ANTXR1: variants seen among roughly 807,000 people sequenced by gnomAD.
ANTXR1 encodes the protein anthrax toxin receptor 1.
In ANTXR1, 19 loss-of-function variants were observed where a neutral mutation model predicts 78.1. That is an observed-to-expected ratio of 0.24 (90% CI 0.17 to 0.36). The LOEUF (loss-of-function observed/expected upper bound fraction) is 0.36. Ranked by LOEUF, ANTXR1 falls within the 10% of genes least tolerant of loss-of-function variation. The probability of loss-of-function intolerance (pLI) is 1.00; values close to 1 mark genes in which losing one functional copy is unlikely to be tolerated. For synonymous variants in ANTXR1, 273 were observed against 260.5 expected, an observed-to-expected ratio of 1.05 and a Z score of -0.46; for missense variants, 518 against 718.6, an observed-to-expected ratio of 0.72 and a Z score of 3.19.
At chr2:69,214,354 C>T (rs1384267575) in intron 17 of ANTXR1, among the ~76,000 whole-genome samples, 1 of 152,240 alleles carries the variant, frequency 6.6e-6, no homozygotes, top group African/African-American at 2.4e-5. Context: ...TCCTTCTACT[C>T]CTTGTAAATT....
intron 12 of ANTXR1, among the ~76,000 whole-genome samples, chr2:69,139,162 C>A (rs1673000298): frequency 6.6e-6 from 1 of 152,190 alleles, no homozygotes; most frequent in African/African-American, 2.4e-5. Context: ...CTACTCTGTG[C>A]CTTTGATCAC....
chr2:69,019,276 G>A (rs914088759), intron 1 of ANTXR1, among the ~76,000 whole-genome samples: 1 of 152,146 alleles, frequency 6.6e-6, no homozygotes, highest in Non-Finnish European at 1.5e-5. Flanking sequence ...ATTCGTATAA[G>A]TCTTGTATAT....
intron 8 of ANTXR1, among the ~76,000 whole-genome samples, chr2:69,089,313 C>T (rs1386949073): frequency 6.6e-6 from 1 of 152,160 alleles, no homozygotes; most frequent in African/African-American, 2.4e-5. Context: ...TTTTCTTAAG[C>T]ATGTTTGTTC....
At chr2:69,108,585 C>A (rs146141118) in intron 10 of ANTXR1, among the ~76,000 whole-genome samples, 3,948 of 152,224 alleles carry the variant, frequency 0.026, 78 homozygotes, top group Middle Eastern at 0.041. Context: ...GCCTAGTACC[C>A]ATTAGTTATT....
At chr2:69,088,241 T>C (rs560033809) in intron 8 of ANTXR1, among the ~76,000 whole-genome samples, 21 of 152,290 alleles carry the variant, frequency 1.4e-4, no homozygotes, top group Admixed American at 1.1e-3. Context: ...TGGTTAAGGA[T>C]CAGAGTTGGT....
In ANTXR1 at chr2:69,248,773, G is replaced by C. The variant is rs1325047627; in HGVS notation, c.*3288G>C. The C allele has an allele frequency of 6.6e-6, 1 of 151,646 alleles. No homozygotes were observed. The highest frequency in any genetic ancestry group is 6.6e-5 in the Admixed American group (1 of 15,240). 9.4% of individuals were successfully genotyped at this position (151,646 alleles called of 1,614,324 possible). ...AATGTTTCAGCCCAATGTCAACCCA[G>C]TTAAAAAAAAAATTAATGCTGTGTA... On this transcript the variant is annotated 3_prime_UTR_variant, in exon 18 of 18. Coordinates refer to ENST00000303714, the MANE Select transcript of ANTXR1 (RefSeq NM_032208.3).
Position 69,246,718 on chromosome 2 carries a change from C to A in ANTXR1, c.*1233C>A, listed in dbSNP as rs1415410670. The A allele has an allele frequency of 2.6e-5, 4 of 152,196 alleles. No individual in the cohort carries two copies. Among genetic ancestry groups the A allele is most frequent in the African/African-American group, 9.7e-5 (4 of 41,442 alleles). 9.4% of individuals were successfully genotyped at this position (152,196 alleles called of 1,614,324 possible). On this transcript the variant is annotated 3_prime_UTR_variant, in exon 18 of 18. Transcript: ENST00000303714. The stretch of plus-strand genomic sequence containing the variant: ...AAATTTCCACCATGCCTAGGACTCA[C>A]CCCATTTATCCAGGTCTTTCTGGAT...
intron 12 of ANTXR1, among the ~76,000 whole-genome samples, chr2:69,125,684 A>T (rs6757326): frequency 0.38 from 57,979 of 151,540 alleles, 13,186 homozygotes; most frequent in African/African-American, 0.64. Context: ...CTACAAAAAA[A>T]ACAAAAATTA....
In ANTXR1 at chr2:69,191,174, T is replaced by C. The variant is rs35593474; in HGVS notation, c.1354-2161T>C. On this transcript the variant is annotated intron_variant, in intron 16 of 17. Transcript: ENST00000303714. ...AGTTCTATCCAGCATTCTAAAATCA[T>C]TTCAAAATATTTTTCAAGGCGTTTG... Among the ~76,000 whole-genome samples, 630 of 152,288 alleles carry C rather than the reference T, an allele frequency of 4.1e-3. 3 individuals carry two copies. Among genetic ancestry groups the C allele is most frequent in the South Asian group, 0.01 (50 of 4,820 alleles).
chr2:69,193,464 TACACACACACACACACA>T, intron 17 of ANTXR1, 49 bp downstream of exon 17: 1 of 1,073,652 alleles, frequency 9.3e-7, no homozygotes, highest in Non-Finnish European at 1.4e-6. Flanking sequence ...CTCTCTCACA[TACACACACACACACACA>T]CACACACACA....
At chr2:69,132,773 CAA>C (rs2104399624) in intron 12 of ANTXR1, among the ~76,000 whole-genome samples, 1 of 152,270 alleles carries the variant, frequency 6.6e-6, no homozygotes, top group South Asian at 2.1e-4. Context: ...TTGCTGGTAG[CAA>C]ATGGAGCCAA....
At position 69,192,780 on chromosome 2, in the gene ANTXR1, T is replaced by C. The variant is rs550078166; in HGVS notation, c.1354-555T>C. On this transcript the variant is annotated intron_variant, in intron 16 of 17. Coordinates refer to ENST00000303714, the MANE Select transcript of ANTXR1 (RefSeq NM_032208.3). ...AGGGGTTGTGGTTTTTGGTCATCTGTAATGCTTGGTAATTTGTCTCTCAAG... is the reference window on the plus strand; with the variant it reads ...AGGGGTTGTGGTTTTTGGTCATCTGCAATGCTTGGTAATTTGTCTCTCAAG... 2.6e-5 allele frequency among the ~76,000 whole-genome samples: 4 copies of C among 152,324 alleles called. No individual in the cohort carries two copies. The South Asian group carries it at 8.3e-4, about 32-fold the overall frequency.
intron 17 of ANTXR1, among the ~76,000 whole-genome samples, chr2:69,196,914 C>T (rs1357303045): frequency 6.6e-6 from 1 of 152,210 alleles, no homozygotes; most frequent in Non-Finnish European, 1.5e-5. Flanking sequence ...CACAAGCCCA[C>T]CAACAGAGCC....
At chr2:69,224,787 A>C (rs909341295) in intron 17 of ANTXR1, among the ~76,000 whole-genome samples, 1 of 151,832 alleles carries the variant, frequency 6.6e-6, no homozygotes, top group Non-Finnish European at 1.5e-5. Flanking sequence ...TCTCAACTCC[A>C]CTCTCTGTTA....
In ANTXR1 at chr2:69,204,003, G is replaced by T. The variant is rs184866790; in HGVS notation, c.1434+10588G>T. Among the ~76,000 whole-genome samples, 238 of 152,244 alleles carry T rather than the reference G, an allele frequency of 1.6e-3. 2 individuals carry two copies. Among genetic ancestry groups the T allele is most frequent in the Non-Finnish European group, 2.5e-3 (170 of 68,010 alleles). ...CCAAACAAAATCAGGATTGAGGGAG[G>T]TAGGGATTAGCTCTAGGGTCAGAAT... On this transcript the variant is annotated intron_variant, in intron 17 of 17. Coordinates refer to ENST00000303714, the MANE Select transcript of ANTXR1 (RefSeq NM_032208.3).
chr2:69,245,657 T>A lies in ANTXR1; in HGVS notation c.*172T>A. 1 of 928,328 alleles carries A rather than the reference T, an allele frequency of 1.1e-6. No individual in the cohort carries two copies. Among genetic ancestry groups the A allele is most frequent in the Non-Finnish European group, 1.6e-6 (1 of 620,108 alleles). 57.5% of individuals were successfully genotyped at this position (928,328 alleles called of 1,614,324 possible). A position where few individuals can be genotyped will look rare whatever the true frequency, so the allele number is the denominator to read the frequency against. ...CATGATCAGCTGAAAGAAACAGATA[T>A]TTTAAATTGCCAGAAAACAAATGAT... On this transcript the variant is annotated 3_prime_UTR_variant, in exon 18 of 18. Coordinates refer to ENST00000303714, the MANE Select transcript of ANTXR1 (RefSeq NM_032208.3).
intron 3 of ANTXR1, among the ~76,000 whole-genome samples, chr2:69,050,374 A>T (rs988016813): frequency 2.6e-5 from 4 of 151,896 alleles, no homozygotes; most frequent in Admixed American, 2.6e-4. Context: ...AAACTTTATC[A>T]TGGTTTGCTA....
chr2:69,032,506 C>T (rs573109283), intron 1 of ANTXR1, among the ~76,000 whole-genome samples: 15 of 152,264 alleles, frequency 9.9e-5, no homozygotes, highest in African/African-American at 3.1e-4. Context: ...CACTCTCACC[C>T]GACGATGTTG....
At chr2:69,020,335 C>T (rs937812507) in intron 1 of ANTXR1, among the ~76,000 whole-genome samples, 1 of 152,158 alleles carries the variant, frequency 6.6e-6, no homozygotes, top group African/African-American at 2.4e-5. Context: ...GTTGGTAGAA[C>T]TGCCTGCAAA....
Sources: allele counts gnomAD v4.1 joint callset (sites outside exome capture counted in the v4.1 genomes callset), GRCh38; gene constraint gnomAD v4.1.1; transcripts MANE v1.5; gene names NCBI Gene and HGNC (gene_info 2026-07-23, HGNC 2026-07-21).